OPCML: variants seen among roughly 807,000 people sequenced by gnomAD.
OPCML encodes opioid-binding protein/cell adhesion molecule.
A neutral mutation model predicts 37.8 loss-of-function variants in OPCML; 13 were observed. The ratio of observed to expected loss-of-function variants is 0.34; its 90% CI spans 0.22 to 0.55. OPCML has a LOEUF of 0.55. Among genes scored for constraint, OPCML ranks in the 20% least tolerant of loss-of-function variants. The probability of loss-of-function intolerance (pLI) is 0.91; values close to 1 mark genes in which losing one functional copy is unlikely to be tolerated. For missense variants in OPCML, 341 were observed against 435.6 expected (o/e 0.78, Z 1.93); for synonymous variants, 176 against 168.8 (o/e 1.04, Z -0.33).
At chr11:133,282,521 G>T (rs528079591) in intron 1 of OPCML, among the ~76,000 whole-genome samples, 168 of 152,322 alleles carry the variant, frequency 1.1e-3, no homozygotes, top group Middle Eastern at 3.4e-3. Flanking sequence ...TGCCACAGGG[G>T]TGGAGCACTC....
At chr11:133,016,776 A>T (rs909518609) in intron 1 of OPCML, among the ~76,000 whole-genome samples, 1 of 152,174 alleles carries the variant, frequency 6.6e-6, no homozygotes, top group Non-Finnish European at 1.5e-5. Context: ...CTGGTCCCAC[A>T]TGTGCACACA....
At chr11:132,878,556 G>A (rs1346046921) in intron 2 of OPCML, among the ~76,000 whole-genome samples, 1 of 152,096 alleles carries the variant, frequency 6.6e-6, no homozygotes, top group Non-Finnish European at 1.5e-5. Context: ...AACTGATCTT[G>A]GAACTTCTCG....
intron 3 of OPCML, among the ~76,000 whole-genome samples, chr11:132,567,785 G>A (rs76604233): frequency 0.12 from 18,547 of 152,238 alleles, 1,677 homozygotes; most frequent in East Asian, 0.44. Flanking sequence ...GTCATTCTGA[G>A]GTTGCATTGG....
intron 1 of OPCML, chr11:133,026,327 T>G (rs1446686643): frequency 1.1e-6 from 1 of 948,296 alleles, no homozygotes; most frequent in Non-Finnish European, 1.3e-6. Context: ...CAACATTTGA[T>G]AGTTTTCCTG....
intron 2 of OPCML, among the ~76,000 whole-genome samples, chr11:132,705,199 G>C (rs1943983541): frequency 2.0e-5 from 3 of 152,124 alleles, no homozygotes; most frequent in Non-Finnish European, 4.4e-5. Flanking sequence ...GCAGCTGATT[G>C]GATCATGGGA....
rs551947243 is a variant in OPCML at position 132,920,927 on chromosome 11, A to G, written c.146+21999T>C. ...CCACACCTTGTCCCTCCTGTCTTCCAGCCAGTCCCTTCCTGCACTCGGCTT... is the reference window on the plus strand; with the variant it reads ...CCACACCTTGTCCCTCCTGTCTTCCGGCCAGTCCCTTCCTGCACTCGGCTT... On this transcript the variant is annotated intron_variant, in intron 2 of 7. Coordinates refer to ENST00000524381, the MANE Select transcript of OPCML (RefSeq NM_001012393.5). Among the ~76,000 whole-genome samples the G allele has an allele frequency of 1.4e-4, 22 of 152,156 alleles. No individual in the cohort carries two copies. The East Asian group carries it at 4.3e-3, about 30-fold the overall frequency.
At chr11:133,430,897 A>T (rs1946102445) in intron 1 of OPCML, among the ~76,000 whole-genome samples, 1 of 152,232 alleles carries the variant, frequency 6.6e-6, no homozygotes, top group South Asian at 2.1e-4. Context: ...AGTTTGGTTG[A>T]GTGTGTGATC....
At chr11:133,250,152 T>G (rs1025519819) in intron 1 of OPCML, among the ~76,000 whole-genome samples, 1 of 152,242 alleles carries the variant, frequency 6.6e-6, no homozygotes, top group Admixed American at 6.5e-5. Context: ...AAGCCCCCCT[T>G]GGGGAATATA....
At chr11:132,747,639 G>A (rs1945678526) in intron 2 of OPCML, among the ~76,000 whole-genome samples, 1 of 152,182 alleles carries the variant, frequency 6.6e-6, no homozygotes, top group African/African-American at 2.4e-5. Context: ...CACTGCGATT[G>A]ACTGCATCTT....
At chr11:132,932,910 T>C (rs771428832) in intron 2 of OPCML, among the ~76,000 whole-genome samples, 1 of 152,068 alleles carries the variant, frequency 6.6e-6, no homozygotes, top group African/African-American at 2.4e-5. Flanking sequence ...ATTGAGTCAC[T>C]TGTCCAACCA....
chr11:133,272,554 G>A (rs1941877861), intron 1 of OPCML, among the ~76,000 whole-genome samples: 1 of 152,120 alleles, frequency 6.6e-6, no homozygotes, highest in South Asian at 2.1e-4. Flanking sequence ...CTGGCCACGT[G>A]AAAGCCATGC....
chr11:133,153,628 T>G (rs1161862290), intron 1 of OPCML, among the ~76,000 whole-genome samples: 1 of 152,030 alleles, frequency 6.6e-6, no homozygotes, highest in Admixed American at 6.5e-5. Context: ...CCCTGAGAGT[T>G]GGGGTAACAG....
intron 4 of OPCML, among the ~76,000 whole-genome samples, chr11:132,501,643 G>C (rs2096245892): frequency 6.6e-6 from 1 of 152,156 alleles, no homozygotes. Flanking sequence ...ATAGTCATAT[G>C]GTTGCACTAA....
At chr11:132,549,238 G>A (rs561521746) in intron 3 of OPCML, among the ~76,000 whole-genome samples, 104 of 152,296 alleles carry the variant, frequency 6.8e-4, no homozygotes, top group Non-Finnish European at 1.2e-3. Flanking sequence ...GCATTAGCAT[G>A]CTAAAAGACA....
At position 133,140,525 on chromosome 11, in the gene OPCML, T is replaced by G. The variant is rs1046886390; in HGVS notation, c.62-197515A>C. Among the ~76,000 whole-genome samples the G allele has an allele frequency of 6.9e-3, 394 of 56,982 alleles. 2 individuals are homozygous for G. Among genetic ancestry groups the G allele is most frequent in the East Asian group, 0.035 (67 of 1,926 alleles). The allele number at this position is 56,982 out of a possible 152,430, so 37.4% of individuals were successfully genotyped here. ...AGACTCTGTCTCAAAATAATAATAATAATAATAAGAAGAAGAAGAAGAAGA... is the reference window on the plus strand; with the variant it reads ...AGACTCTGTCTCAAAATAATAATAAGAATAATAAGAAGAAGAAGAAGAAGA... On this transcript the variant is annotated intron_variant, in intron 1 of 7. Coordinates refer to ENST00000524381, the MANE Select transcript of OPCML (RefSeq NM_001012393.5).
chr11:132,537,640 A>G (rs1056459267), intron 3 of OPCML, among the ~76,000 whole-genome samples: 3 of 152,258 alleles, frequency 2.0e-5, no homozygotes, highest in Non-Finnish European at 2.9e-5. Flanking sequence ...AAGTGAAAAG[A>G]AAATCCACAA....
At position 133,310,232 on chromosome 11, in the gene OPCML, G is replaced by T. The variant is rs147988606; in HGVS notation, c.61+222032C>A. ...TTTGTAGTGATACAACTTAGTATTT[G>T]CCTGGAAAATGACATGGGCCCATAA... On this transcript the variant is annotated intron_variant, in intron 1 of 7. Coordinates refer to ENST00000524381, the MANE Select transcript of OPCML (RefSeq NM_001012393.5). Among the ~76,000 whole-genome samples the T allele has an allele frequency of 8.5e-3, 1,287 of 152,198 alleles. 23 individuals are homozygous for T. The highest frequency in any genetic ancestry group is 0.029 in the African/African-American group (1,194 of 41,534).
At chr11:133,386,836 C>T (rs1319836869) in intron 1 of OPCML, among the ~76,000 whole-genome samples, 1 of 152,192 alleles carries the variant, frequency 6.6e-6, no homozygotes, top group East Asian at 1.9e-4. Context: ...AGTCCAGCCC[C>T]ACACGGCAGC....
At chr11:132,466,438 C>G (rs1193594287) in intron 4 of OPCML, among the ~76,000 whole-genome samples, 2 of 150,510 alleles carry the variant, frequency 1.3e-5, no homozygotes, top group Non-Finnish European at 2.9e-5. Flanking sequence ...GAGCCGAGAT[C>G]ACGCCACTGC....
Sources: allele counts gnomAD v4.1 joint callset (sites outside exome capture counted in the v4.1 genomes callset), GRCh38; gene constraint gnomAD v4.1.1; transcripts MANE v1.5; gene names NCBI Gene and HGNC (gene_info 2026-07-23, HGNC 2026-07-21).